ARHGEF10: variants seen among roughly 807,000 people sequenced by gnomAD.
ARHGEF10 encodes the protein Rho guanine nucleotide exchange factor (GEF) 10.
ARHGEF10 carries 140 observed loss-of-function variants against 147.4 expected under a neutral mutation model. That is an observed-to-expected ratio of 0.95 (90% CI 0.83 to 1.09). The LOEUF is 1.09. Among genes scored for constraint, ARHGEF10 ranks in the 50% least tolerant of loss-of-function variants. The pLI, the probability that ARHGEF10 is intolerant of heterozygous loss-of-function variation, is 0.00. For missense variants in ARHGEF10, 2,222 were observed against 1,752.7 expected, an observed-to-expected ratio of 1.27 and a Z score of -4.78; for synonymous variants, 902 against 695.8, an observed-to-expected ratio of 1.30 and a Z score of -4.67.
At chr8:1,850,224 AAGGAGG>A (rs1804997136) in intron 2 of ARHGEF10, among the ~76,000 whole-genome samples, 4 of 24,124 alleles carry the variant, frequency 1.7e-4, no homozygotes, top group East Asian at 1.7e-3. Flanking sequence ...GGCAAATGCT[AAGGAGG>A]GCGTGGGGCA....
intron 2 of ARHGEF10, among the ~76,000 whole-genome samples, chr8:1,853,658 C>T (rs1389794624): frequency 2.0e-5 from 3 of 152,216 alleles, no homozygotes. Flanking sequence ...TGGCACAGGA[C>T]CTTTTGTGTT....
rs1441946787 is a variant in ARHGEF10, at chr8:1,882,546, A to G, written c.961-89A>G. The G allele has an allele frequency of 4.7e-6, 5 of 1,069,624 alleles. No individual in the cohort carries two copies. In the African/African-American group the frequency reaches 4.7e-5, roughly 10 times the overall value. The allele number at this position is 1,069,624 out of a possible 1,614,324, so 66.3% of individuals were successfully genotyped here. A position where few individuals can be genotyped will look rare whatever the true frequency, so the allele number is the denominator to read the frequency against. ...CACATGCGCTCACAAGAACCAGACT[A>G]CTTGACAGTATTCTTTTAAAACAGG... On this transcript the variant is annotated intron_variant, in intron 9 of 28. Coordinates refer to ENST00000349830, the MANE Select transcript of ARHGEF10 (RefSeq NM_014629.4).
chr8:1,955,443 C>G (rs547620194), intron 28 of ARHGEF10, among the ~76,000 whole-genome samples: 1 of 146,666 alleles, frequency 6.8e-6, no homozygotes, highest in East Asian at 2.0e-4. Context: ...GAGGTGCACT[C>G]TCACTGTTTC....
intron 2 of ARHGEF10, among the ~76,000 whole-genome samples, chr8:1,852,050 T>A (rs1805195137): frequency 6.6e-6 from 1 of 152,004 alleles, no homozygotes; most frequent in African/African-American, 2.4e-5. Flanking sequence ...TCTTGATAGC[T>A]CGAGATTCAG....
chr8:1,833,125 CAG>C (rs1803339347), intron 1 of ARHGEF10, among the ~76,000 whole-genome samples: 1 of 79,924 alleles, frequency 1.3e-5, no homozygotes. Context: ...CAGAGAGAGA[CAG>C]AGGCAGAGGC....
intron 26 of ARHGEF10, among the ~76,000 whole-genome samples, chr8:1,938,239 C>T (rs879659036): frequency 4.6e-5 from 7 of 152,150 alleles, no homozygotes; most frequent in East Asian, 1.9e-4. Context: ...GTTAGGAACA[C>T]GATGCAGTGC....
At chr8:1,824,513 C>T (rs1050053179) in intron 1 of ARHGEF10, among the ~76,000 whole-genome samples, 1 of 151,760 alleles carries the variant, frequency 6.6e-6, no homozygotes, top group Non-Finnish European at 1.5e-5. Flanking sequence ...AGAGAAGGAC[C>T]GGTGTAAGGA....
intron 26 of ARHGEF10, among the ~76,000 whole-genome samples, chr8:1,938,458 G>A (rs1214111807): frequency 6.6e-6 from 1 of 152,278 alleles, no homozygotes; most frequent in Non-Finnish European, 1.5e-5. Flanking sequence ...ATGGAAGGAA[G>A]GAAAGAGAGG....
chr8:1,865,296 G>A (rs1295803467), intron 5 of ARHGEF10, among the ~76,000 whole-genome samples: 1 of 152,094 alleles, frequency 6.6e-6, no homozygotes, highest in Non-Finnish European at 1.5e-5. Context: ...CCAGGACATG[G>A]GGCATCCCCC....
At chr8:1,952,502 C>A (rs961200151) in intron 27 of ARHGEF10, among the ~76,000 whole-genome samples, 1 of 152,248 alleles carries the variant, frequency 6.6e-6, no homozygotes, top group African/African-American at 2.4e-5. Context: ...GGTGCAGGTG[C>A]AGGGTATGCC....
At chr8:1,836,895 C>A (rs1274274833) in intron 1 of ARHGEF10, among the ~76,000 whole-genome samples, 1 of 152,166 alleles carries the variant, frequency 6.6e-6, no homozygotes, top group Non-Finnish European at 1.5e-5. Flanking sequence ...GGGGTTTCCA[C>A]TTTTGCTTCT....
chr8:1,832,689 C>A (rs1411106002), intron 1 of ARHGEF10, among the ~76,000 whole-genome samples: 1 of 35,626 alleles, frequency 2.8e-5, no homozygotes, highest in Non-Finnish European at 5.4e-5. Flanking sequence ...GAGACAGAGA[C>A]AGAGAGACAG....
intron 27 of ARHGEF10, among the ~76,000 whole-genome samples, chr8:1,950,176 C>T (rs1191782201): frequency 6.6e-6 from 1 of 152,204 alleles, no homozygotes; most frequent in African/African-American, 2.4e-5. Context: ...CTGCCTCCCA[C>T]CTCGCCAGCG....
intron 7 of ARHGEF10, among the ~76,000 whole-genome samples, chr8:1,872,343 C>T (rs1452398377): frequency 6.6e-6 from 1 of 152,118 alleles, no homozygotes; most frequent in Admixed American, 6.5e-5. Context: ...CTTCAGGGAG[C>T]GGACAAACCC....
intron 2 of ARHGEF10, among the ~76,000 whole-genome samples, chr8:1,845,308 C>A (rs79551701): frequency 6.6e-6 from 1 of 152,338 alleles, no homozygotes; most frequent in East Asian, 1.9e-4. Flanking sequence ...CTCCCGCCTC[C>A]CTGCTTTCTT....
chr8:1,898,202 T>C (rs2272713), intron 14 of ARHGEF10, among the ~76,000 whole-genome samples: 39,853 of 152,110 alleles, frequency 0.26, 5,893 homozygotes, highest in East Asian at 0.53. Flanking sequence ...AATTCACCCC[T>C]GGAGCTGAGG....
intron 18 of ARHGEF10, among the ~76,000 whole-genome samples, chr8:1,916,935 G>A (rs965475600): frequency 8.5e-5 from 13 of 152,178 alleles, no homozygotes; most frequent in Non-Finnish European, 1.3e-4. Context: ...TTCTCTATGT[G>A]ATCCTGTATA....
intron 23 of ARHGEF10, among the ~76,000 whole-genome samples, chr8:1,927,907 C>G (rs541258181): frequency 4.5e-4 from 69 of 152,170 alleles, no homozygotes; most frequent in African/African-American, 1.7e-3. Flanking sequence ...TGCCATTGCA[C>G]TCCAGCCTGG....
chr8:1,945,103 C>T (rs888919002), intron 26 of ARHGEF10, among the ~76,000 whole-genome samples: 1 of 152,218 alleles, frequency 6.6e-6, no homozygotes, highest in African/African-American at 2.4e-5. Flanking sequence ...CAGTGGGGCC[C>T]CATGCCATAG....
Sources: allele counts gnomAD v4.1 joint callset (sites outside exome capture counted in the v4.1 genomes callset), GRCh38; gene constraint gnomAD v4.1.1; transcripts MANE v1.5; gene names NCBI Gene and HGNC (gene_info 2026-07-23, HGNC 2026-07-21).